SH3KBP1: variants seen among roughly 807,000 people sequenced by gnomAD.
SH3KBP1 encodes SH3 domain containing kinase binding protein 1, also known as SH3 domain-containing kinase-binding protein 1.
In SH3KBP1, 8 loss-of-function variants were observed where a neutral mutation model predicts 50.1. That is an observed-to-expected ratio of 0.16 (90% CI 0.09 to 0.29). The LOEUF is 0.29. SH3KBP1 is among the 10% of genes least tolerant of loss of function. SH3KBP1 has a pLI of 1.00. For synonymous variants in SH3KBP1, 227 were observed against 218.6 expected (o/e 1.04, Z -0.34); for missense variants, 377 against 535.2 (o/e 0.70, Z 2.92).
chrX:19,805,741 G>A (rs1476003906), intron 2 of SH3KBP1, among the ~76,000 whole-genome samples: 1 of 110,676 alleles, frequency 9.0e-6, no homozygotes, highest in Non-Finnish European at 1.9e-5. Context: ...CCACCCACCA[G>A]CCCACGTCGA....
chrX:19,836,928 A>AT (rs2068076256), intron 1 of SH3KBP1, among the ~76,000 whole-genome samples: 2 of 111,417 alleles, frequency 1.8e-5, no homozygotes, highest in Admixed American at 1.9e-4. Flanking sequence ...TTTGTTTGGC[A>AT]TTTCTCCTTC....
chrX:19,835,339 A>G (rs2068030697), intron 2 of SH3KBP1, among the ~76,000 whole-genome samples: 1 of 109,695 alleles, frequency 9.1e-6, no homozygotes, highest in South Asian at 3.9e-4. Context: ...GGATCTCCCT[A>G]TATTGCCCAG....
At chrX:19,793,295 T>C (rs1244080562) in intron 2 of SH3KBP1, among the ~76,000 whole-genome samples, 1 of 97,297 alleles carries the variant, frequency 1.0e-5, no homozygotes, top group Non-Finnish European at 2.0e-5. Context: ...AAGCAAGACA[T>C]TGTCTCAAGG....
intron 12 of SH3KBP1, among the ~76,000 whole-genome samples, chrX:19,582,195 C>T (rs1216657114): frequency 3.6e-5 from 4 of 112,557 alleles, no homozygotes; most frequent in Non-Finnish European, 7.5e-5. Flanking sequence ...CGCTTCCATC[C>T]TGACATTCTC....
chrX:19,826,959 C>G (rs746557783), intron 2 of SH3KBP1, among the ~76,000 whole-genome samples: 2 of 111,843 alleles, frequency 1.8e-5, no homozygotes, highest in East Asian at 5.6e-4. Context: ...GATTTGTGAT[C>G]CCTTCATAAA....
At chrX:19,866,472 G>A (rs950978252) in intron 1 of SH3KBP1, among the ~76,000 whole-genome samples, 2 of 110,675 alleles carry the variant, frequency 1.8e-5, no homozygotes, top group African/African-American at 6.6e-5. Flanking sequence ...GGGAGGCCGA[G>A]ATGCCAGGAG....
intron 3 of SH3KBP1, among the ~76,000 whole-genome samples, chrX:19,710,359 G>A (rs1219270307): frequency 9.0e-6 from 1 of 111,371 alleles, no homozygotes; most frequent in Non-Finnish European, 1.9e-5. Context: ...CCACGATCCA[G>A]GATCACTCAA....
intron 1 of SH3KBP1, among the ~76,000 whole-genome samples, chrX:19,870,223 A>G (rs1011671128): frequency 1.8e-5 from 2 of 113,015 alleles, no homozygotes; most frequent in Non-Finnish European, 3.7e-5. Context: ...TTAAAAAAGA[A>G]GAAAGATGAT....
chrX:19,552,179 CA>C (rs1196980442), intron 13 of SH3KBP1, among the ~76,000 whole-genome samples: 1 of 112,337 alleles, frequency 8.9e-6, no homozygotes, highest in African/African-American at 3.2e-5. Context: ...TGCAATTAAT[CA>C]ATCCCATTTG....
chrX:19,624,873 A>T (rs2148234306), intron 8 of SH3KBP1, among the ~76,000 whole-genome samples: 1 of 112,496 alleles, frequency 8.9e-6, no homozygotes, highest in African/African-American at 3.2e-5. Context: ...CTGTAAACCC[A>T]GATGATCCCA....
At chrX:19,587,297 G>C (rs1280915141) in intron 12 of SH3KBP1, among the ~76,000 whole-genome samples, 1 of 109,822 alleles carries the variant, frequency 9.1e-6, no homozygotes, top group East Asian at 2.8e-4. Context: ...CAAATCCATA[G>C]AGACAGAAAG....
intron 15 of SH3KBP1, among the ~76,000 whole-genome samples, chrX:19,543,288 A>T (rs2064988115): frequency 9.0e-6 from 1 of 111,730 alleles, no homozygotes; most frequent in South Asian, 3.8e-4. Context: ...TCGAGATTGT[A>T]CCTTTCATGG....
chrX:19,642,103 G>GA (rs1362990726), intron 7 of SH3KBP1, among the ~76,000 whole-genome samples: 3 of 111,982 alleles, frequency 2.7e-5, no homozygotes, highest in Non-Finnish European at 5.6e-5. Flanking sequence ...CGGCCCCCAC[G>GA]AAGTGCTAGG....
At chrX:19,556,926 C>T (rs779376694) in intron 13 of SH3KBP1, among the ~76,000 whole-genome samples, 2 of 111,879 alleles carry the variant, frequency 1.8e-5, no homozygotes, top group Non-Finnish European at 3.8e-5. Flanking sequence ...CCTGCCTCAG[C>T]TTCCCAAAGT....
At chrX:19,579,092 C>G (rs759708296) in intron 12 of SH3KBP1, among the ~76,000 whole-genome samples, 5 of 112,080 alleles carry the variant, frequency 4.5e-5, no homozygotes, top group Non-Finnish European at 7.5e-5. Flanking sequence ...CCTGGCAGCT[C>G]TCCCTTTGCA....
chrX:19,766,556 G>A (rs1242208848), intron 2 of SH3KBP1, among the ~76,000 whole-genome samples: 1 of 80,959 alleles, frequency 1.2e-5, no homozygotes, highest in Non-Finnish European at 2.2e-5. Context: ...CCAGGCTGGA[G>A]TGCAGTGGCA....
chrX:19,798,094 A>AT (rs2066775173), intron 2 of SH3KBP1, among the ~76,000 whole-genome samples: 1 of 110,568 alleles, frequency 9.0e-6, no homozygotes, highest in Admixed American at 9.6e-5. Flanking sequence ...TTTTATTTTT[A>AT]TTTTTTTGAC....
intron 9 of SH3KBP1, among the ~76,000 whole-genome samples, chrX:19,603,155 T>C (rs1389778689): frequency 8.9e-6 from 1 of 112,323 alleles, no homozygotes; most frequent in East Asian, 2.8e-4. Context: ...CAAGGCTTAG[T>C]TGACTTCAAC....
intron 2 of SH3KBP1, among the ~76,000 whole-genome samples, chrX:19,748,794 G>A (rs1248226395): frequency 9.1e-6 from 1 of 110,435 alleles, no homozygotes; most frequent in African/African-American, 3.3e-5. Flanking sequence ...CTTCTCCCAG[G>A]AAAGGGCAGC....
Sources: allele counts gnomAD v4.1 joint callset (sites outside exome capture counted in the v4.1 genomes callset), GRCh38; gene constraint gnomAD v4.1.1; transcripts MANE v1.5; gene names NCBI Gene and HGNC (gene_info 2026-07-23, HGNC 2026-07-21).